The following GRIK1 variants were observed in gnomAD, a reference collection of about 807,000 sequenced individuals.
GRIK1 encodes the protein glutamate ionotropic receptor kainate type subunit 1.
In GRIK1, 69 loss-of-function variants were observed where a neutral mutation model predicts 105.7. The observed-to-expected ratio is 0.65, with a 90% confidence interval of 0.54 to 0.80. The LOEUF (loss-of-function observed/expected upper bound fraction) is 0.80, where lower values mean the gene tolerates loss of function less well. Among genes scored for constraint, GRIK1 ranks in the 30% least tolerant of loss-of-function variants. The probability of loss-of-function intolerance (pLI) is 0.00; values close to 1 mark genes in which losing one functional copy is unlikely to be tolerated. For synonymous variants in GRIK1, 438 were observed against 431.3 expected, an observed-to-expected ratio of 1.02 and a Z score of -0.19; for missense variants, 1,109 against 1,167.3, an observed-to-expected ratio of 0.95 and a Z score of 0.73.
intron 14 of GRIK1, among the ~76,000 whole-genome samples, chr21:29,576,459 A>AT (rs919143955): frequency 2.0e-5 from 3 of 152,126 alleles, no homozygotes; most frequent in African/African-American, 4.8e-5. Context: ...GTCTCCTGGG[A>AT]TTTTTTTGTT....
chr21:29,673,096 G>A lies in GRIK1; in HGVS notation c.613C>T (p.Leu205=). The change falls in exon 4 of 18, where the codon CTG becomes TTG. Residue 205 remains leucine (L), a synonymous_variant. Transcript: ENST00000327783. The part of the protein sequence containing the change: ...RYNIKIKIRQ[L]PSGNKDAKPL... ...TTGGCATCTTTATTCCCAGAGGGCA[G>A]CTGGCGGATTTTGATTTTAATATTA... The A allele has an allele frequency of 1.9e-6, 3 of 1,611,474 alleles. No homozygotes were observed. The highest frequency in any genetic ancestry group is 2.5e-6 in the Non-Finnish European group (3 of 1,177,650).
chr21:29,788,898 T>C (rs915088714), intron 1 of GRIK1, among the ~76,000 whole-genome samples: 2 of 152,104 alleles, frequency 1.3e-5, no homozygotes, highest in African/African-American at 4.8e-5. Context: ...GGTGGTAATG[T>C]GAGAATGGGG....
chr21:29,798,374 G>A (rs979821681), intron 1 of GRIK1, among the ~76,000 whole-genome samples: 3 of 152,230 alleles, frequency 2.0e-5, no homozygotes, highest in Non-Finnish European at 4.4e-5. Flanking sequence ...CAGGATTATC[G>A]TTCATTACTT....
At position 29,642,980 on chromosome 21, in the gene GRIK1, A is replaced by G. The variant is rs2062545208; in HGVS notation, c.955-11T>C. On this transcript the variant is annotated splice_polypyrimidine_tract_variant and intron_variant, in intron 6 of 17. Transcript: ENST00000327783. ...CAGAGCCGCTTCAGTCTGTGGAGGA[A>G]AACACACACCGCATCTTAAATTCCA... is the stretch of plus-strand genomic sequence containing the variant. The G allele has an allele frequency of 6.2e-7, 1 of 1,611,292 alleles. No individual in the cohort carries two copies. The highest frequency in any genetic ancestry group is 8.5e-7 in the Non-Finnish European group (1 of 1,178,262).
At chr21:29,859,253 C>T (rs995914558) in intron 1 of GRIK1, among the ~76,000 whole-genome samples, 1 of 151,640 alleles carries the variant, frequency 6.6e-6, no homozygotes, top group African/African-American at 2.4e-5. Flanking sequence ...AGAAGATATA[C>T]CTAATGTAAA....
intron 7 of GRIK1, among the ~76,000 whole-genome samples, chr21:29,612,443 A>G (rs893525375): frequency 2.0e-5 from 3 of 152,184 alleles, no homozygotes; most frequent in African/African-American, 7.2e-5. Flanking sequence ...TTTAACTGTG[A>G]GACAGTAAAG....
chr21:29,561,817 C>T lies in GRIK1; in HGVS notation c.2163G>A (p.Trp721Ter). 1 of 1,613,606 alleles carries T rather than the reference C, an allele frequency of 6.2e-7. No individual in the cohort carries two copies. The highest frequency in any genetic ancestry group is 8.5e-7 in the Non-Finnish European group (1 of 1,179,620). Residue 721 changes from tryptophan (W) to a stop codon, truncating the protein, a stop_gained, in exon 15 of 18, where the codon TGG becomes TGA. Coordinates refer to ENST00000327783, the MANE Select transcript of GRIK1 (RefSeq NM_001330994.2). LOFTEE classifies it high-confidence loss of function. The part of the protein sequence containing the change: ...KSKISTYEKM[W>*]AFMSSRQQTA... Reference sequence around the variant, plus strand: ...TCTGCTGCCTGCTGCTCATGAAAGCCCACATCTTCTCATAGGTGGAGATTT... The same window carrying T: ...TCTGCTGCCTGCTGCTCATGAAAGCTCACATCTTCTCATAGGTGGAGATTT...
chr21:29,716,621 C>T (rs1227879520), intron 1 of GRIK1, among the ~76,000 whole-genome samples: 4 of 152,172 alleles, frequency 2.6e-5, no homozygotes, highest in African/African-American at 4.8e-5. Context: ...GCATTTTGCT[C>T]CTGCCCTAGA....
intron 4 of GRIK1, among the ~76,000 whole-genome samples, chr21:29,656,368 AAAAAAAAAAAAAAAAAAAAAAG>A (rs2062851927): frequency 1.0e-5 from 1 of 96,938 alleles, no homozygotes; most frequent in Non-Finnish European, 2.0e-5. Flanking sequence ...AAAAAAAAAA[AAAAAAAAAAAAAAAAAAAAAAG>A]AAATGAAGAG....
chr21:29,706,165 T>C (rs1406798274), intron 1 of GRIK1, among the ~76,000 whole-genome samples: 7 of 152,230 alleles, frequency 4.6e-5, no homozygotes, highest in Non-Finnish European at 8.8e-5. Context: ...TGAGCCACCA[T>C]GCGTGGCCTC....
chr21:29,928,949 G>A (rs750563027), intron 1 of GRIK1, among the ~76,000 whole-genome samples: 1 of 152,174 alleles, frequency 6.6e-6, no homozygotes, highest in Non-Finnish European at 1.5e-5. Context: ...GCCACATCAA[G>A]GTCCTCACTT....
chr21:29,605,705 T>G (rs1315225297), intron 7 of GRIK1, among the ~76,000 whole-genome samples: 1 of 152,152 alleles, frequency 6.6e-6, no homozygotes, highest in African/African-American at 2.4e-5. Flanking sequence ...CATCCCTTTT[T>G]CTCGGCAACC....
intron 1 of GRIK1, among the ~76,000 whole-genome samples, chr21:29,788,166 A>G (rs1022389069): frequency 6.6e-6 from 1 of 152,230 alleles, no homozygotes; most frequent in African/African-American, 2.4e-5. Context: ...AGATGACAAA[A>G]CAATTCCAAA....
chr21:29,663,651 TAA>T (rs1319391590), intron 4 of GRIK1, among the ~76,000 whole-genome samples: 1 of 152,152 alleles, frequency 6.6e-6, no homozygotes, highest in African/African-American at 2.4e-5. Flanking sequence ...TTTTTTTGGC[TAA>T]AAGGGTATAT....
At chr21:29,629,073 T>C (rs967514863) in intron 7 of GRIK1, among the ~76,000 whole-genome samples, 6 of 152,178 alleles carry the variant, frequency 3.9e-5, no homozygotes, top group Non-Finnish European at 7.3e-5. Flanking sequence ...AGTTCTTGTT[T>C]CCAAGAAATG....
At chr21:29,826,893 T>C (rs1205826286) in intron 1 of GRIK1, among the ~76,000 whole-genome samples, 2 of 152,122 alleles carry the variant, frequency 1.3e-5, no homozygotes, top group Non-Finnish European at 2.9e-5. Flanking sequence ...GCTTGTATTA[T>C]AAACCTAAGC....
chr21:29,919,848 T>C (rs1337343156), intron 1 of GRIK1, among the ~76,000 whole-genome samples: 1 of 152,208 alleles, frequency 6.6e-6, no homozygotes, highest in Non-Finnish European at 1.5e-5. Context: ...AGTACTTATT[T>C]TAAAAATTGA....
chr21:29,930,644 A>C (rs913418255), intron 1 of GRIK1, among the ~76,000 whole-genome samples: 10 of 152,234 alleles, frequency 6.6e-5, no homozygotes, highest in Non-Finnish European at 2.9e-5. Flanking sequence ...TTCAACGGTA[A>C]ATTATATTTA....
At position 29,909,117 on chromosome 21, in the gene GRIK1, A is replaced by G. The variant is rs915259032; in HGVS notation, c.118+30266T>C. Among the ~76,000 whole-genome samples the G allele has an allele frequency of 4.6e-5, 7 of 152,236 alleles. No homozygotes were observed. The East Asian group carries it at 1.2e-3, about 25-fold the overall frequency. On this transcript the variant is annotated intron_variant, in intron 1 of 17. Coordinates refer to ENST00000327783, the MANE Select transcript of GRIK1 (RefSeq NM_001330994.2). ...ATTTTCAAAGAAATTTTTATTTAACAAACTATCCAACTTTAGAAAAAAATA... is the reference window on the plus strand; with the variant it reads ...ATTTTCAAAGAAATTTTTATTTAACGAACTATCCAACTTTAGAAAAAAATA...
Sources: gnomAD v4.1 joint callset for allele counts (sites outside exome capture counted in the v4.1 genomes callset) on GRCh38, gnomAD v4.1.1 for gene constraint, MANE v1.5 for transcripts, NCBI Gene and HGNC (gene_info 2026-07-23, HGNC 2026-07-21) for gene names.